Variants in ZNF256 observed in about 807,000 individuals in gnomAD.
ZNF256 encodes the protein bone marrow zinc finger 3.
In ZNF256, 4 loss-of-function variants were observed where a neutral mutation model predicts 7.9. The ratio of observed to expected loss-of-function variants is 0.50; its 90% confidence interval spans 0.25 to 1.15. The LOEUF (loss-of-function observed/expected upper bound fraction) is 1.15, where lower values mean the gene tolerates loss of function less well. ZNF256 is among the 50% of genes most tolerant of loss of function. ZNF256 has a pLI of 0.15. For synonymous variants in ZNF256, 260 were observed against 260.4 expected (o/e 1.00, Z 0.02); for missense variants, 666 against 755.9 (o/e 0.88, Z 1.39).
intron 2 of ZNF256, 145 bp downstream of exon 2, chr19:57,943,789 T>C (rs2072746286): frequency 1.0e-6 from 1 of 995,942 alleles, no homozygotes; most frequent in Non-Finnish European, 1.4e-6. Flanking sequence ...GCAGGCAACA[T>C]ACAACCTTAG....
In ZNF256 at chr19:57,941,368, T is replaced by G. The variant is rs1358444950; in HGVS notation, c.1440A>C (p.Ser480=). 11 of 1,614,066 alleles carry G rather than the reference T, an allele frequency of 6.8e-6. No individual in the cohort carries two copies. The highest frequency in any genetic ancestry group is 9.3e-6 in the Non-Finnish European group (11 of 1,179,984). The change falls in exon 3 of 3, where the codon TCA becomes TCC. Residue 480 remains serine, a synonymous_variant. Coordinates refer to ENST00000282308, the MANE Select transcript of ZNF256 (RefSeq NM_005773.3). Reference sequence around the variant, plus strand: ...TTGCTCCAGTATGAACTTTCCAGTGTGAGATGAGGTAGGATTTACAGGTAA... The same window carrying G: ...TTGCTCCAGTATGAACTTTCCAGTGGGAGATGAGGTAGGATTTACAGGTAA... ...KSFTCKSYLI[S]HWKVHTGARP... is the part of the protein sequence containing the mutation.
Position 57,940,875 on chromosome 19 carries a change from G to C in ZNF256, c.*49C>G. On this transcript the variant is annotated 3_prime_UTR_variant, in exon 3 of 3. Coordinates refer to ENST00000282308, the MANE Select transcript of ZNF256 (RefSeq NM_005773.3). Reference sequence around the variant, plus strand: ...TTATTTATTTATGTCTGTGAATTTTGCAGGGACACTTCTCAGTCCGTAACA... The same window carrying C: ...TTATTTATTTATGTCTGTGAATTTTCCAGGGACACTTCTCAGTCCGTAACA... 1 of 1,510,728 alleles carries C rather than the reference G, an allele frequency of 6.6e-7. No individual in the cohort carries two copies. The highest frequency in any genetic ancestry group is 8.9e-7 in the Non-Finnish European group (1 of 1,118,066). 93.6% of individuals were successfully genotyped at this position (1,510,728 alleles called of 1,614,324 possible). A position where few individuals can be genotyped will look rare whatever the true frequency, so the allele number is the denominator to read the frequency against.
chr19:57,946,565 G>A (rs1400164672), intron 1 of ZNF256, among the ~76,000 whole-genome samples: 1 of 151,958 alleles, frequency 6.6e-6, no homozygotes, highest in Non-Finnish European at 1.5e-5. Flanking sequence ...CCTAAATCAC[G>A]ATCCTGGGCC....
chr19:57,941,177 T>C lies in ZNF256; in HGVS notation c.1631A>G (p.Glu544Gly). 1 of 1,614,114 alleles carries C rather than the reference T, an allele frequency of 6.2e-7. No homozygotes were observed. Among genetic ancestry groups the C allele is most frequent in the Non-Finnish European group, 8.5e-7 (1 of 1,180,012 alleles). ...ACACTCACTGCACTCATAAGGCCTT[T>C]CTCCGGTGTGACTTCTCCTATGTCT... ...LIRHRRSHTG[E>G]RPYECSECWK... The change falls in exon 3 of 3, where the codon GAA becomes GGA. Residue 544 changes from glutamate (E) to glycine (G), a missense_variant. By Grantham distance (98) the Glu-to-Gly change is moderately conservative. Coordinates refer to ENST00000282308, the MANE Select transcript of ZNF256 (RefSeq NM_005773.3).
intron 1 of ZNF256, 123 bp downstream of exon 1, chr19:57,947,319 C>A: frequency 9.9e-7 from 1 of 1,012,758 alleles, no homozygotes; most frequent in Non-Finnish European, 1.3e-6. Context: ...GTGTTGGAAA[C>A]GGGAGCCCCT....
intron 1 of ZNF256, among the ~76,000 whole-genome samples, chr19:57,946,195 A>G (rs549507164): frequency 6.6e-6 from 1 of 152,152 alleles, no homozygotes; most frequent in Non-Finnish European, 1.5e-5. Flanking sequence ...TGCCCCGCCT[A>G]ACTGTGACCC....
intron 1 of ZNF256, 110 bp downstream of exon 1, chr19:57,947,332 G>A (rs1310027043): frequency 4.5e-6 from 5 of 1,110,154 alleles, no homozygotes; most frequent in Non-Finnish European, 5.8e-6. Flanking sequence ...GAGCCCCTCC[G>A]GCGAGCCCCC....
In ZNF256 at chr19:57,947,522, G is replaced by A; in HGVS notation, c.-48C>T. On this transcript the variant is annotated 5_prime_UTR_variant, in exon 1 of 3. Transcript: ENST00000282308. ...GCCAGAGAGGATGTCCTTATTCCGG[G>A]CCGGGCCTGGGTACCCTGGGCGCCG... is the stretch of plus-strand genomic sequence containing the variant. The A allele has an allele frequency of 8.0e-7, 1 of 1,248,762 alleles. No individual in the cohort carries two copies. Among genetic ancestry groups the A allele is most frequent in the Non-Finnish European group, 1.0e-6 (1 of 988,198 alleles). The allele number at this position is 1,248,762 out of a possible 1,614,324, so 77.4% of individuals were successfully genotyped here. A position where few individuals can be genotyped will look rare whatever the true frequency, so the allele number is the denominator to read the frequency against.
chr19:57,941,176 T>G lies in ZNF256; in HGVS notation c.1632A>C (p.Glu544Asp). 1 of 1,614,138 alleles carries G rather than the reference T, an allele frequency of 6.2e-7. No homozygotes were observed. Among genetic ancestry groups the G allele is most frequent in the Non-Finnish European group, 8.5e-7 (1 of 1,180,026 alleles). Reference sequence around the variant, plus strand: ...AACACTCACTGCACTCATAAGGCCTTTCTCCGGTGTGACTTCTCCTATGTC... The same window carrying G: ...AACACTCACTGCACTCATAAGGCCTGTCTCCGGTGTGACTTCTCCTATGTC... ...LIRHRRSHTGERPYECSECWK... is the reference protein window; with the variant it reads ...LIRHRRSHTGDRPYECSECWK... Residue 544 changes from glutamate (E) to aspartate (D), a missense_variant, in exon 3 of 3, where the codon GAA becomes GAC. Glu to Asp is a conservative substitution (Grantham distance 45, BLOSUM62 2). Coordinates refer to ENST00000282308, the MANE Select transcript of ZNF256 (RefSeq NM_005773.3).
chr19:57,941,667 A>C lies in ZNF256; in HGVS notation c.1141T>G (p.Cys381Gly), dbSNP rs757960698. 3.7e-6 allele frequency: 6 copies of C among 1,614,176 alleles called. No individual in the cohort carries two copies. Among genetic ancestry groups the C allele is most frequent in the Non-Finnish European group, 5.1e-6 (6 of 1,180,024 alleles). Residue 381 changes from cysteine to glycine, a missense_variant, in exon 3 of 3, where the codon TGC (cysteine) becomes GGC (glycine). Physicochemically the swap from Cys to Gly is radical, Grantham distance 159. Coordinates refer to ENST00000282308, the MANE Select transcript of ZNF256 (RefSeq NM_005773.3). ...RVHTGTRPYM[C>G]SECGKSFSQS... ...CTAAAGGATTTCCCACATTCACTGC[A>C]CATATAAGGCCTTGTACCAGTGTGA...
intron 1 of ZNF256, among the ~76,000 whole-genome samples, chr19:57,944,840 A>C (rs184823669): frequency 7.4e-4 from 112 of 152,354 alleles, no homozygotes; most frequent in African/African-American, 2.6e-3. Flanking sequence ...CAAAGAACAA[A>C]AAAAAAGAGT....
rs755967599 is a variant in ZNF256 at position 57,941,389 on chromosome 19, G to A, written c.1419C>T (p.Thr473=). The A allele has an allele frequency of 6.2e-7, 1 of 1,613,844 alleles. No individual in the cohort carries two copies. Among genetic ancestry groups the A allele is most frequent in the Non-Finnish European group, 8.5e-7 (1 of 1,179,988 alleles). ...YECSECGKSF[T]CKSYLISHWK... is the part of the protein sequence containing the mutation. ...AGTGTGAGATGAGGTAGGATTTACA[G>A]GTAAAGGATTTTCCACATTCACTGC... The change falls in exon 3 of 3, where the codon ACC becomes ACT. Residue 473 remains threonine, a synonymous_variant. Coordinates refer to ENST00000282308, the MANE Select transcript of ZNF256 (RefSeq NM_005773.3).
At chr19:57,947,373 C>G in intron 1 of ZNF256, 69 bp downstream of exon 1, 2 of 1,233,710 alleles carry the variant, frequency 1.6e-6, no homozygotes, top group Non-Finnish European at 2.0e-6. Flanking sequence ...GGGCCGCGAG[C>G]AAGCGCCCTC....
intron 2 of ZNF256, among the ~76,000 whole-genome samples, chr19:57,943,137 G>A (rs2072742062): frequency 6.6e-6 from 1 of 152,230 alleles, no homozygotes; most frequent in Non-Finnish European, 1.5e-5. Flanking sequence ...CAGGCTGGAA[G>A]TAAGAGACGT....
At chr19:57,945,879 T>A (rs573752925) in intron 1 of ZNF256, among the ~76,000 whole-genome samples, 1 of 152,342 alleles carries the variant, frequency 6.6e-6, no homozygotes, top group Admixed American at 6.5e-5. Context: ...TGGTCGTTCA[T>A]CTCACACACA....
Position 57,941,640 on chromosome 19 carries a change from G to T in ZNF256, c.1168C>A (p.Gln390Lys), listed in dbSNP as rs1292377382. The change falls in exon 3 of 3, where the codon CAG (glutamine) becomes AAG (lysine). Residue 390 changes from glutamine to lysine, a missense_variant. Transcript: ENST00000282308. ...MCSECGKSFS[Q>K]SCHLIKHRRL... is the part of the protein sequence containing the mutation. ...CGGTGTTTAATGAGGTGACAGCTCT[G>T]GCTAAAGGATTTCCCACATTCACTG... 1.2e-6 allele frequency: 2 copies of T among 1,613,562 alleles called. No individual in the cohort carries two copies. The highest frequency in any genetic ancestry group is 1.7e-6 in the Non-Finnish European group (2 of 1,179,934).
chr19:57,942,137 T>G lies in ZNF256; in HGVS notation c.671A>C (p.His224Pro), dbSNP rs114531123. 107 of 1,614,248 alleles carry G rather than the reference T, an allele frequency of 6.6e-5. No individual in the cohort carries two copies. The African/African-American group carries it at 1.2e-3, about 18-fold the overall frequency. Reference protein sequence around the residue: ...GECVKAFSYKHVRVQHQGDLI... With the variant: ...GECVKAFSYKPVRVQHQGDLI... ...GTCTCCCTGGTGCTGAACACGTACA[T>G]GTTTGTAGCTGAAAGCTTTCACACA... Residue 224 changes from histidine (H) to proline (P), a missense_variant, in exon 3 of 3, where the codon CAT (histidine) becomes CCT (proline). Coordinates refer to ENST00000282308, the MANE Select transcript of ZNF256 (RefSeq NM_005773.3).
intron 1 of ZNF256, among the ~76,000 whole-genome samples, chr19:57,946,645 C>A (rs972460632): frequency 1.3e-5 from 2 of 152,142 alleles, no homozygotes; most frequent in African/African-American, 2.4e-5. Flanking sequence ...GTTTGTGCCC[C>A]ACTGTGCACA....
Position 57,942,412 on chromosome 19 carries a change from G to T in ZNF256, c.396C>A (p.Tyr132Ter), listed in dbSNP as rs1055332882. 5 of 1,614,084 alleles carry T rather than the reference G, an allele frequency of 3.1e-6. No individual in the cohort carries two copies. The highest frequency in any genetic ancestry group is 4.2e-6 in the Non-Finnish European group (5 of 1,180,046). ...ACRKQLQFTAYLHQHQKQHVG... is the reference protein window; with the variant it reads ...ACRKQLQFTA ...CATGCTGCTTCTGGTGCTGATGAAG[G>T]TATGCAGTAAATTGTAATTGTTTCC... The change falls in exon 3 of 3, where the codon TAC becomes TAA. Residue 132 changes from tyrosine (Y) to a stop codon, truncating the protein, a stop_gained. Transcript: ENST00000282308. LOFTEE classifies it low-confidence loss of function (END_TRUNC).
Sources: allele counts gnomAD v4.1 joint callset (sites outside exome capture counted in the v4.1 genomes callset), GRCh38; gene constraint gnomAD v4.1.1; transcripts MANE v1.5; gene names NCBI Gene and HGNC (gene_info 2026-07-23, HGNC 2026-07-21).